Variants in SETBP1 observed in about 807,000 individuals in gnomAD.
The protein encoded by SETBP1 is SET binding protein 1, also known as SET-binding protein.
Under a neutral mutation model 101.0 loss-of-function variants are expected in SETBP1, and 9 were observed. The ratio of observed to expected loss-of-function variants is 0.09; its 90% CI spans 0.05 to 0.16. SETBP1 has a LOEUF of 0.16. SETBP1 is among the 10% of genes least tolerant of loss of function. SETBP1 has a pLI of 1.00. For missense variants in SETBP1, 1,858 were observed against 2,033.8 expected (o/e 0.91, Z 1.66); for synonymous variants, 818 against 788.5 (o/e 1.04, Z -0.63).
chr18:44,794,375 A>T (rs1269109492), intron 2 of SETBP1, among the ~76,000 whole-genome samples: 1 of 152,204 alleles, frequency 6.6e-6, no homozygotes, highest in African/African-American at 2.4e-5. Context: ...AAGAGGTGGA[A>T]CTGGGACTAG....
intron 2 of SETBP1, among the ~76,000 whole-genome samples, chr18:44,785,918 T>C (rs1479262461): frequency 6.6e-6 from 1 of 152,232 alleles, no homozygotes; most frequent in Non-Finnish European, 1.5e-5. Context: ...CAAAGCATTA[T>C]CTTATGCAAG....
At chr18:44,825,452 A>G (rs531096041) in intron 2 of SETBP1, among the ~76,000 whole-genome samples, 9 of 152,256 alleles carry the variant, frequency 5.9e-5, no homozygotes, top group Non-Finnish European at 1.0e-4. Context: ...TTCTAAAAGT[A>G]TCTTTAAAAA....
intron 2 of SETBP1, among the ~76,000 whole-genome samples, chr18:44,722,658 T>G (rs2069625485): frequency 1.3e-5 from 2 of 152,168 alleles, no homozygotes; most frequent in South Asian, 4.1e-4. Context: ...ACGTGCTCTG[T>G]GGATGGGATG....
At chr18:44,743,888 T>C (rs752662270) in intron 2 of SETBP1, among the ~76,000 whole-genome samples, 1 of 152,218 alleles carries the variant, frequency 6.6e-6, no homozygotes, top group Non-Finnish European at 1.5e-5. Flanking sequence ...TGTCACTGAA[T>C]GGCCCTCTAG....
At chr18:44,963,628 C>T (rs1240207462) in intron 4 of SETBP1, among the ~76,000 whole-genome samples, 1 of 151,996 alleles carries the variant, frequency 6.6e-6, no homozygotes, top group African/African-American at 2.4e-5. Flanking sequence ...GTGGCTCACA[C>T]CTGTAATCCC....
At chr18:45,001,889 A>G (rs894147885) in intron 4 of SETBP1, among the ~76,000 whole-genome samples, 22 of 152,290 alleles carry the variant, frequency 1.4e-4, no homozygotes, top group South Asian at 4.1e-4. Flanking sequence ...TTAAGACAGA[A>G]TAAAGTCAGG....
chr18:44,754,536 G>T (rs1189418891), intron 2 of SETBP1, among the ~76,000 whole-genome samples: 2 of 152,146 alleles, frequency 1.3e-5, no homozygotes, highest in Non-Finnish European at 2.9e-5. Flanking sequence ...ATAGGCCAGG[G>T]TTAAGTTTAA....
Position 45,063,244 on chromosome 18 carries a change from G to A in SETBP1, c.4337G>A (p.Gly1446Asp). ...AKRLQRQSKTGNNFVKKRRGR... is the reference protein window; with the variant it reads ...AKRLQRQSKTDNNFVKKRRGR... Reference sequence around the variant, plus strand: ...CGGCTGCAGAGACAATCAAAAACAGGCAACAACTTCGTGAAGAAGAGGCGC... The same window carrying A: ...CGGCTGCAGAGACAATCAAAAACAGACAACAACTTCGTGAAGAAGAGGCGC... Residue 1446 changes from glycine (G) to aspartate (D), a missense_variant, in exon 6 of 6, where the codon GGC becomes GAC. Physicochemically the swap from Gly to Asp is moderately conservative, Grantham distance 94. Around this residue, in one of 12 missense-constraint regions of SETBP1, gnomAD observed 26 missense variants for 56.3 expected, o/e 0.46. Coordinates refer to ENST00000649279, the MANE Select transcript of SETBP1 (RefSeq NM_015559.3). 2 of 1,613,840 alleles carry A rather than the reference G, an allele frequency of 1.2e-6. No individual in the cohort carries two copies. Among genetic ancestry groups the A allele is most frequent in the South Asian group, 1.1e-5 (1 of 91,044 alleles).
chr18:44,872,937 G>A (rs1436478871), intron 3 of SETBP1, among the ~76,000 whole-genome samples: 1 of 152,240 alleles, frequency 6.6e-6, no homozygotes, highest in Non-Finnish European at 1.5e-5. Context: ...TTGTCTCAGA[G>A]AATAGGATAC....
At chr18:44,903,263 C>T (rs542891146) in intron 3 of SETBP1, among the ~76,000 whole-genome samples, 104 of 152,198 alleles carry the variant, frequency 6.8e-4, no homozygotes, top group African/African-American at 2.4e-3. Context: ...TCTTTTTCCC[C>T]ACTTACTCTG....
intron 1 of SETBP1, among the ~76,000 whole-genome samples, chr18:44,691,929 C>T (rs1463212682): frequency 6.6e-6 from 1 of 152,162 alleles, no homozygotes; most frequent in East Asian, 1.9e-4. Flanking sequence ...GCCACCAGCT[C>T]TAAATGGTGG....
intron 2 of SETBP1, chr18:44,732,456 G>A (rs2069857523): frequency 6.6e-6 from 1 of 152,196 alleles, no homozygotes; most frequent in African/African-American, 2.4e-5. Flanking sequence ...GGATATATAA[G>A]TGAAGACGTT....
rs990198702 is a variant in SETBP1, at chr18:45,004,104, G to T, written c.4001-34381G>T. Among the ~76,000 whole-genome samples the T allele has an allele frequency of 2.6e-5, 4 of 152,214 alleles. No homozygotes were observed. In the East Asian group the frequency reaches 7.7e-4, roughly 29 times the overall value. ...GAATTATCTCATCTAAATGTCAGGCGTGCTGAAGTGGAGAAATCCTGCACC... is the reference window on the plus strand; with the variant it reads ...GAATTATCTCATCTAAATGTCAGGCTTGCTGAAGTGGAGAAATCCTGCACC... On this transcript the variant is annotated intron_variant, in intron 4 of 5. Coordinates refer to ENST00000649279, the MANE Select transcript of SETBP1 (RefSeq NM_015559.3).
At chr18:44,989,544 C>G (rs1043105162) in intron 4 of SETBP1, among the ~76,000 whole-genome samples, 3 of 151,746 alleles carry the variant, frequency 2.0e-5, no homozygotes, top group Non-Finnish European at 2.9e-5. Flanking sequence ...ATATGTAATC[C>G]TTAAGAATTT....
At chr18:44,901,788 A>G (rs549412015) in intron 3 of SETBP1, among the ~76,000 whole-genome samples, 20 of 152,352 alleles carry the variant, frequency 1.3e-4, no homozygotes, top group African/African-American at 4.6e-4. Context: ...TGACTTGACC[A>G]GTTAGAAATA....
intron 4 of SETBP1, among the ~76,000 whole-genome samples, chr18:44,997,317 A>G (rs573984138): frequency 1.2e-4 from 18 of 152,284 alleles, no homozygotes; most frequent in Admixed American, 9.8e-4. Context: ...CTCTCCAGCA[A>G]GCACACACAC....
At chr18:44,893,544 T>C (rs922591079) in intron 3 of SETBP1, among the ~76,000 whole-genome samples, 2 of 152,280 alleles carry the variant, frequency 1.3e-5, no homozygotes, top group East Asian at 3.9e-4. Context: ...GTCTCCTGGC[T>C]GATAGATCAA....
intron 4 of SETBP1, among the ~76,000 whole-genome samples, 163 bp downstream of exon 4, chr18:44,953,503 C>T (rs1245791432): frequency 2.6e-5 from 4 of 152,180 alleles, no homozygotes; most frequent in African/African-American, 9.7e-5. Context: ...ACATTTTGTA[C>T]ATTGTTTACT....
intron 3 of SETBP1, among the ~76,000 whole-genome samples, chr18:44,921,184 T>C: frequency 6.6e-6 from 1 of 152,248 alleles, no homozygotes; most frequent in East Asian, 1.9e-4. Flanking sequence ...ATTCCTAAAG[T>C]CTACTGGCAG....
Sources: gnomAD v4.1 joint callset for allele counts (sites outside exome capture counted in the v4.1 genomes callset) on GRCh38, gnomAD v4.1.1 for gene constraint, gnomAD v4.1.1 regional missense constraint, MANE v1.5 for transcripts, NCBI Gene and HGNC (gene_info 2026-07-23, HGNC 2026-07-21) for gene names.